Variants in ABCB4 observed in about 807,000 individuals in gnomAD.
ABCB4 encodes phosphatidylcholine translocator ABCB4.
A neutral mutation model predicts 145.7 loss-of-function variants in ABCB4; 76 were observed. That is an observed-to-expected ratio of 0.52 (90% CI 0.43 to 0.63). ABCB4 has a LOEUF of 0.63. Ranked by LOEUF, ABCB4 falls within the 30% of genes least tolerant of loss-of-function variation. The pLI is 0.00. For synonymous variants in ABCB4, 517 were observed against 566.8 expected (o/e 0.91, Z 1.25); for missense variants, 1,234 against 1,553.1 (o/e 0.79, Z 3.45).
rs757571888 is a variant in ABCB4, at chr7:87,408,113, A to G, written c.3203T>C (p.Val1068Ala). ...GCTCTTCCCACAGCCACTGCTGCCCACCAGGGCTAGTGTCTGGCCTTTCTT... is the reference window on the plus strand; with the variant it reads ...GCTCTTCCCACAGCCACTGCTGCCCGCCAGGGCTAGTGTCTGGCCTTTCTT... Reference protein sequence around the residue: ...EVKKGQTLALVGSSGCGKSTV... With the variant: ...EVKKGQTLALAGSSGCGKSTV... The change falls in exon 25 of 28, where the codon GTG becomes GCG. Residue 1068 changes from valine (V) to alanine (A), a missense_variant. This residue lies in a region of ABCB4 where 301 missense variants were observed against 389.0 expected (regional missense o/e 0.77). Coordinates refer to ENST00000649586, the MANE Select transcript of ABCB4 (RefSeq NM_000443.4). The G allele has an allele frequency of 2.5e-6, 4 of 1,614,202 alleles. No individual in the cohort carries two copies. The Admixed American group carries it at 6.7e-5, about 27-fold the overall frequency.
the ABCB4 span, among the ~76,000 whole-genome samples, chr7:87,376,836 GAGGTAC>G: frequency 6.6e-6 from 1 of 152,060 alleles, no homozygotes; most frequent in African/African-American, 2.4e-5. Flanking sequence ...TATTGTCTGT[GAGGTAC>G]ACTGATATTT....
chr7:87,398,647 A>G, downstream of ABCB4: 1 of 1,612,632 alleles, frequency 6.2e-7, no homozygotes, highest in East Asian at 2.2e-5. Context: ...ATCTTTAGAG[A>G]TGAATCATCT....
At chr7:87,402,618 T>G (rs1022197835) in intron 27 of ABCB4, among the ~76,000 whole-genome samples, 2 of 152,202 alleles carry the variant, frequency 1.3e-5, no homozygotes, top group African/African-American at 4.8e-5. Flanking sequence ...AAAAATGTAA[T>G]TTGTGCAGCT....
intron 14 of ABCB4, among the ~76,000 whole-genome samples, chr7:87,438,625 TGCAGTCCC>T (rs2116674466): frequency 6.6e-6 from 1 of 152,230 alleles, no homozygotes; most frequent in Non-Finnish European, 1.5e-5. Context: ...GGCGCACACC[TGCAGTCCC>T]AGCTACTCAG....
intron 3 of ABCB4, 69 bp downstream of exon 3, chr7:87,472,552 G>T: frequency 7.6e-7 from 1 of 1,319,450 alleles, no homozygotes; most frequent in Non-Finnish European, 1.1e-6. Context: ...TGCTTTAAAG[G>T]TAATTGATTC....
In ABCB4 at chr7:87,414,047, C is replaced by A. The variant is rs76624864; in HGVS notation, c.2683-330G>T. On this transcript the variant is annotated intron_variant, in intron 21 of 27. Coordinates refer to ENST00000649586, the MANE Select transcript of ABCB4 (RefSeq NM_000443.4). ...ACATGACTGGCCTTAGTCACAACCC[C>A]TTTGTGGCCTGGCTTTCTTCACAAG... Among the ~76,000 whole-genome samples, 435 of 152,292 alleles carry A rather than the reference C, an allele frequency of 2.9e-3. 3 individuals are homozygous for A. The highest frequency in any genetic ancestry group is 0.01 in the African/African-American group (418 of 41,560).
intron 3 of ABCB4, among the ~76,000 whole-genome samples, chr7:87,467,176 A>G (rs1353489042): frequency 2.0e-5 from 3 of 152,212 alleles, no homozygotes; most frequent in Non-Finnish European, 2.9e-5. Context: ...AGAGACACAC[A>G]TAGGCTCAAA....
intron 19 of ABCB4, among the ~76,000 whole-genome samples, chr7:87,419,788 GA>G (rs200409056): frequency 7.1e-5 from 3 of 42,374 alleles, no homozygotes; most frequent in South Asian, 9.5e-4. Context: ...CTATTTCTAT[GA>G]AAAAAAACAA....
chr7:87,410,382 T>C (rs2116389079), intron 23 of ABCB4, among the ~76,000 whole-genome samples: 1 of 152,262 alleles, frequency 6.6e-6, no homozygotes, highest in South Asian at 2.1e-4. Context: ...TAGTAAAACT[T>C]TCCTTTAAAT....
At chr7:87,450,941 A>G (rs915585349) in intron 7 of ABCB4, among the ~76,000 whole-genome samples, 1 of 152,308 alleles carries the variant, frequency 6.6e-6, no homozygotes, top group East Asian at 1.9e-4. Flanking sequence ...TGTTGGCTAA[A>G]GTAGAATACA....
chr7:87,409,367 C>T lies in ABCB4; in HGVS notation c.2950G>A (p.Ala984Thr), dbSNP rs1808440360. The T allele has an allele frequency of 1.2e-6, 2 of 1,614,056 alleles. No homozygotes were observed. Among genetic ancestry groups the T allele is most frequent in the Non-Finnish European group, 1.7e-6 (2 of 1,179,950 alleles). ...GAACTGGCATGTCCTAGAGCCACTG[C>T]ACCAAATACAATTGCAGAAAACACC... ...ILVFSAIVFG[A>T]VALGHASSFA... Residue 984 changes from alanine to threonine, a missense_variant, in exon 24 of 28, where the codon GCA becomes ACA. This residue lies in a region of ABCB4 where 301 missense variants were observed against 389.0 expected (regional missense o/e 0.77). Coordinates refer to ENST00000649586, the MANE Select transcript of ABCB4 (RefSeq NM_000443.4).
rs548846112 is a variant in ABCB4, at chr7:87,442,883, C to T, written c.1356+436G>A. On this transcript the variant is annotated intron_variant, in intron 12 of 27. Coordinates refer to ENST00000649586, the MANE Select transcript of ABCB4 (RefSeq NM_000443.4). ...TCTTAAGAGACCATCCCACTTTCCC[C>T]CTTAGATATTCCTAAGTTTAAGAAA... Among the ~76,000 whole-genome samples the T allele has an allele frequency of 2.0e-5, 3 of 152,242 alleles. No individual in the cohort carries two copies. In the South Asian group the frequency reaches 6.2e-4, roughly 32 times the overall value.
At chr7:87,381,997 T>A in the ABCB4 span, 3 of 1,595,196 alleles carry the variant, frequency 1.9e-6, no homozygotes, top group East Asian at 6.7e-5. Flanking sequence ...ATGGAAGGTA[T>A]GTTTGAATAA....
chr7:87,446,541 T>C (rs1171487148), intron 9 of ABCB4, among the ~76,000 whole-genome samples: 1 of 152,218 alleles, frequency 6.6e-6, no homozygotes, highest in Non-Finnish European at 1.5e-5. Flanking sequence ...AAAATTAGTA[T>C]ATATTATTTT....
intron 8 of ABCB4, among the ~76,000 whole-genome samples, chr7:87,447,558 A>C (rs1418686408): frequency 1.3e-5 from 2 of 152,224 alleles, no homozygotes; most frequent in Non-Finnish European, 2.9e-5. Context: ...GAGAGAAACC[A>C]AGCCAAACCA....
chr7:87,452,809 G>T, intron 6 of ABCB4, 135 bp downstream of exon 6: 2 of 1,021,538 alleles, frequency 2.0e-6, no homozygotes, highest in African/African-American at 1.6e-5. Context: ...GCTAGACATG[G>T]CTGCCAGATG....
chr7:87,415,783 GAC>G (rs1808930105), intron 21 of ABCB4, among the ~76,000 whole-genome samples: 1 of 152,138 alleles, frequency 6.6e-6, no homozygotes, highest in African/African-American at 2.4e-5. Flanking sequence ...GCTCTACTCT[GAC>G]AAAATTCTAA....
chr7:87,459,248 AC>A (rs1468699591), intron 4 of ABCB4, among the ~76,000 whole-genome samples: 1 of 152,178 alleles, frequency 6.6e-6, no homozygotes, highest in Admixed American at 6.5e-5. Flanking sequence ...AACCTCCAGA[AC>A]TTTTTCAACT....
intron 14 of ABCB4, among the ~76,000 whole-genome samples, chr7:87,433,679 T>TTTTG (rs1810403017): frequency 6.7e-6 from 1 of 149,546 alleles, no homozygotes; most frequent in Non-Finnish European, 1.5e-5. Flanking sequence ...GTTGTTGTTT[T>TTTTG]TTTTTTTTTT....
Sources: gnomAD v4.1 joint callset for allele counts (sites outside exome capture counted in the v4.1 genomes callset) on GRCh38, gnomAD v4.1.1 for gene constraint, gnomAD v4.1.1 regional missense constraint, MANE v1.5 for transcripts, NCBI Gene and HGNC (gene_info 2026-07-23, HGNC 2026-07-21) for gene names.